The following RBFOX1 variants were observed in gnomAD, a reference collection of about 807,000 sequenced individuals.
RBFOX1 encodes RNA binding protein fox-1 homolog 1.
A neutral mutation model predicts 57.7 loss-of-function variants in RBFOX1; 8 were observed. That is an observed-to-expected ratio of 0.14 (90% CI 0.08 to 0.25). RBFOX1 has a LOEUF of 0.25. Ranked by LOEUF, RBFOX1 falls within the 10% of genes least tolerant of loss-of-function variation. RBFOX1 has a pLI of 1.00. For missense variants in RBFOX1, 611 were observed against 548.5 expected (o/e 1.11, Z -1.14); for synonymous variants, 326 against 222.4 (o/e 1.47, Z -4.15).
intron 4 of RBFOX1, among the ~76,000 whole-genome samples, chr16:7,452,405 A>G (rs924022240): frequency 4.6e-5 from 7 of 152,312 alleles, no homozygotes; most frequent in Admixed American, 4.6e-4. Flanking sequence ...ACCTGCCTAG[A>G]ATGGCCAGTT....
intron 3 of RBFOX1, among the ~76,000 whole-genome samples, chr16:6,843,594 C>G (rs868347893): frequency 6.6e-6 from 1 of 152,260 alleles, no homozygotes; most frequent in South Asian, 2.1e-4. Flanking sequence ...GACGTTGAGG[C>G]AGGAGAATGG....
intron 4 of RBFOX1, among the ~76,000 whole-genome samples, chr16:7,303,476 G>A (rs1483643994): frequency 6.6e-6 from 1 of 152,252 alleles, no homozygotes; most frequent in Non-Finnish European, 1.5e-5. Context: ...CAGCTCGCCT[G>A]ATGCCGGGCG....
chr16:7,590,538 G>A (rs6500992), intron 7 of RBFOX1, among the ~76,000 whole-genome samples: 142,837 of 152,066 alleles, frequency 0.94, 67,384 homozygotes, highest in African/African-American at 0.96. Flanking sequence ...AGGGCTGTAT[G>A]CAGATATAGC....
chr16:7,407,865 G>A (rs1425602589), intron 4 of RBFOX1, among the ~76,000 whole-genome samples: 1 of 152,074 alleles, frequency 6.6e-6, no homozygotes, highest in Non-Finnish European at 1.5e-5. Flanking sequence ...CTGGCCTGCG[G>A]ACTATTTTCC....
chr16:7,153,832 C>A (rs2076569274), intron 4 of RBFOX1, among the ~76,000 whole-genome samples: 1 of 151,704 alleles, frequency 6.6e-6, no homozygotes, highest in Non-Finnish European at 1.5e-5. Flanking sequence ...AGGAAGATGC[C>A]CTCAAACAGG....
chr16:5,596,375 G>T (rs541684282), intron 2 of RBFOX1, among the ~76,000 whole-genome samples: 1 of 152,146 alleles, frequency 6.6e-6, no homozygotes, highest in Non-Finnish European at 1.5e-5. Flanking sequence ...TGGTTGCTAC[G>T]AAGCCAATAC....
At chr16:5,573,805 T>C (rs1415724184) in intron 2 of RBFOX1, among the ~76,000 whole-genome samples, 2 of 151,970 alleles carry the variant, frequency 1.3e-5, no homozygotes, top group East Asian at 1.9e-4. Context: ...CTACAAAAAA[T>C]AGGCTGGGTG....
intron 3 of RBFOX1, among the ~76,000 whole-genome samples, chr16:6,967,763 G>C (rs2084603301): frequency 1.3e-5 from 2 of 152,054 alleles, no homozygotes; most frequent in East Asian, 1.9e-4. Flanking sequence ...GCAGCTGTGG[G>C]ACCCTGGGGA....
chr16:5,918,236 C>T (rs2058750166), intron 4 of RBFOX1, among the ~76,000 whole-genome samples: 1 of 152,192 alleles, frequency 6.6e-6, no homozygotes, highest in Admixed American at 6.5e-5. Context: ...TCTCCTGCCT[C>T]AGCCTCCCGA....
chr16:6,939,184 A>T (rs2077897303), intron 3 of RBFOX1, among the ~76,000 whole-genome samples: 1 of 152,230 alleles, frequency 6.6e-6, no homozygotes, highest in Admixed American at 6.5e-5. Flanking sequence ...CAGGCCAATG[A>T]AGAGAAAAAT....
chr16:5,607,998 G>A (rs556898765), intron 3 of RBFOX1, among the ~76,000 whole-genome samples: 142 of 152,294 alleles, frequency 9.3e-4, no homozygotes, highest in African/African-American at 3.2e-3. Context: ...TTTGGTGGAC[G>A]CAGGTACTCA....
intron 4 of RBFOX1, among the ~76,000 whole-genome samples, chr16:7,451,471 C>T (rs962104496): frequency 6.6e-6 from 1 of 152,040 alleles, no homozygotes; most frequent in African/African-American, 2.4e-5. Context: ...GTGCTCGGGA[C>T]CGTAATGCAA....
intron 3 of RBFOX1, among the ~76,000 whole-genome samples, chr16:5,818,172 G>T (rs1296881021): frequency 1.3e-5 from 2 of 152,192 alleles, no homozygotes; most frequent in Non-Finnish European, 2.9e-5. Flanking sequence ...TCATTGAGCA[G>T]TTGCTGAGCC....
At chr16:5,795,156 A>G (rs1567551747) in intron 3 of RBFOX1, among the ~76,000 whole-genome samples, 1 of 152,132 alleles carries the variant, frequency 6.6e-6, no homozygotes, top group East Asian at 1.9e-4. Context: ...GATCTGAAAC[A>G]CCTCACGAAA....
chr16:5,856,220 T>TATATATATAC (rs1555547635), intron 3 of RBFOX1, among the ~76,000 whole-genome samples: 5 of 31,322 alleles, frequency 1.6e-4, no homozygotes, highest in African/African-American at 4.7e-4. Flanking sequence ...TATATATGTA[T>TATATATATAC]ATATATATGT....
At chr16:6,468,593 C>G (rs1318053257) in intron 2 of RBFOX1, among the ~76,000 whole-genome samples, 2 of 151,656 alleles carry the variant, frequency 1.3e-5, no homozygotes, top group Non-Finnish European at 2.9e-5. Context: ...AAATTCTCAT[C>G]TGTTAAGTAG....
At chr16:5,448,272 A>G (rs933823172) in intron 1 of RBFOX1, among the ~76,000 whole-genome samples, 1 of 152,132 alleles carries the variant, frequency 6.6e-6, no homozygotes, top group Non-Finnish European at 1.5e-5. Flanking sequence ...GGGTTGTCAA[A>G]GCTTTCGACT....
intron 3 of RBFOX1, among the ~76,000 whole-genome samples, chr16:6,836,010 G>A (rs2093069423): frequency 6.6e-6 from 1 of 152,138 alleles, no homozygotes. Flanking sequence ...AAGAAGCTCA[G>A]AAATACAGTC....
intron 3 of RBFOX1, among the ~76,000 whole-genome samples, chr16:6,967,983 G>A (rs929113582): frequency 6.6e-6 from 1 of 152,188 alleles, no homozygotes; most frequent in Non-Finnish European, 1.5e-5. Context: ...TGGCAGTTCT[G>A]CTGATGACAG....
Sources: allele counts gnomAD v4.1 joint callset (sites outside exome capture counted in the v4.1 genomes callset), GRCh38; gene constraint gnomAD v4.1.1; transcripts MANE v1.5; gene names NCBI Gene and HGNC (gene_info 2026-07-23, HGNC 2026-07-21).